The following ITM2B variants were observed in gnomAD, a reference collection of about 807,000 sequenced individuals.
ITM2B encodes the protein ABri/ADan amyloid peptide.
Under a neutral mutation model 27.8 loss-of-function variants are expected in ITM2B, and 11 were observed. The observed-to-expected ratio is 0.40, with a 90% CI of 0.25 to 0.66. ITM2B has a LOEUF of 0.66. Ranked by LOEUF, ITM2B falls within the 30% of genes least tolerant of loss-of-function variation. ITM2B has a pLI of 0.43. For missense variants in ITM2B, 296 were observed against 328.9 expected (o/e 0.90, Z 0.77); for synonymous variants, 114 against 114.3 (o/e 1.00, Z 0.02).
At chr13:48,260,117 T>G (rs1251322458) in intron 5 of ITM2B, among the ~76,000 whole-genome samples, 1 of 152,132 alleles carries the variant, frequency 6.6e-6, no homozygotes, top group Admixed American at 6.5e-5. Flanking sequence ...TCTGATCTTG[T>G]GATAGTTTGC....
intron 1 of ITM2B, among the ~76,000 whole-genome samples, chr13:48,252,438 G>C (rs917741623): frequency 6.6e-6 from 1 of 152,126 alleles, no homozygotes; most frequent in African/African-American, 2.4e-5. Context: ...GATTCTCTTA[G>C]GAGCGCAAAC....
In ITM2B at chr13:48,270,260, T is replaced by G. The variant is rs927138152; in HGVS notation, c.*9036T>G. ...CCTTCCTGGCCATGACCACACTACC[T>G]TATTTTTCTCTATAGTACTTATCAC... is the stretch of plus-strand genomic sequence containing the variant. On this transcript the variant is annotated 3_prime_UTR_variant, in exon 6 of 6. Transcript: ENST00000647800. 1 of 152,256 alleles carries G rather than the reference T, an allele frequency of 6.6e-6. No homozygotes were observed. The highest frequency in any genetic ancestry group is 2.4e-5 in the African/African-American group (1 of 41,460). 9.4% of individuals were successfully genotyped at this position (152,256 alleles called of 1,614,324 possible).
At chr13:48,237,031 G>T (rs1383225404) in intron 1 of ITM2B, among the ~76,000 whole-genome samples, 1 of 152,188 alleles carries the variant, frequency 6.6e-6, no homozygotes, top group Admixed American at 6.5e-5. Flanking sequence ...TTAGACCCTG[G>T]TTCTTTACCC....
intron 2 of ITM2B, 73 bp downstream of exon 2, chr13:48,254,009 G>A: frequency 2.1e-6 from 3 of 1,428,062 alleles, no homozygotes; most frequent in Non-Finnish European, 2.9e-6. Context: ...TTACAAAATT[G>A]TTTACAACTT....
Position 48,264,522 on chromosome 13 carries a change from C to T in ITM2B, c.*3298C>T, listed in dbSNP as rs1160310220. 1 of 152,160 alleles carries T rather than the reference C, an allele frequency of 6.6e-6. No individual in the cohort carries two copies. The highest frequency in any genetic ancestry group is 2.4e-5 in the African/African-American group (1 of 41,444). The allele number at this position is 152,160 out of a possible 1,614,324, so 9.4% of individuals were successfully genotyped here. ...TAATATGGGCAGAATCTCTAAGATT[C>T]TGCTAAGTGAACATTTAGTAGTTTA... On this transcript the variant is annotated 3_prime_UTR_variant, in exon 6 of 6. Coordinates refer to ENST00000647800, the MANE Select transcript of ITM2B (RefSeq NM_021999.5).
chr13:48,246,807 G>T (rs572169938), intron 1 of ITM2B, among the ~76,000 whole-genome samples: 1 of 152,176 alleles, frequency 6.6e-6, no homozygotes, highest in South Asian at 2.1e-4. Flanking sequence ...GAAAATACTA[G>T]AACATTGATG....
At chr13:48,258,366 TACTCATGG>T in intron 4 of ITM2B, 130 bp downstream of exon 4, 1 of 674,348 alleles carries the variant, frequency 1.5e-6, no homozygotes, top group Non-Finnish European at 2.7e-6. Context: ...GAGGAACTAA[TACTCATGG>T]TTTTTGTTTT....
chr13:48,254,386 T>A (rs765151598), intron 2 of ITM2B, among the ~76,000 whole-genome samples: 21 of 152,188 alleles, frequency 1.4e-4, no homozygotes, highest in Non-Finnish European at 2.8e-4. Context: ...TCTCTGCTTC[T>A]TTTCCAGTCA....
At chr13:48,237,157 A>G (rs1159177108) in intron 1 of ITM2B, among the ~76,000 whole-genome samples, 1 of 152,148 alleles carries the variant, frequency 6.6e-6, no homozygotes, top group Admixed American at 6.5e-5. Flanking sequence ...AGGGACATAA[A>G]ATGCATGGCT....
intron 1 of ITM2B, among the ~76,000 whole-genome samples, chr13:48,244,750 A>G (rs910209193): frequency 9.2e-5 from 14 of 152,214 alleles, no homozygotes; most frequent in Admixed American, 6.5e-5. Context: ...ACTGAATTTT[A>G]TAATGAATTA....
chr13:48,247,688 A>G (rs1951731893), intron 1 of ITM2B, among the ~76,000 whole-genome samples: 2 of 152,232 alleles, frequency 1.3e-5, no homozygotes, highest in African/African-American at 4.8e-5. Flanking sequence ...AGTACCAGAA[A>G]AGAATTTGTC....
In ITM2B at chr13:48,261,667, T is replaced by C. The variant is rs1311785858; in HGVS notation, c.*443T>C. ...TGCATTTGAGCACACATTTTAATTT[T>C]CCTCTAATTAAAATGTGCAGTATTT... is the stretch of plus-strand genomic sequence containing the variant. On this transcript the variant is annotated 3_prime_UTR_variant, in exon 6 of 6. Transcript: ENST00000647800. 3 of 153,578 alleles carry C rather than the reference T, an allele frequency of 2.0e-5. No individual in the cohort carries two copies. Among genetic ancestry groups the C allele is most frequent in the African/African-American group, 4.8e-5 (2 of 41,458 alleles). 9.5% of individuals were successfully genotyped at this position (153,578 alleles called of 1,614,324 possible).
At chr13:48,247,364 A>G (rs1253322710) in intron 1 of ITM2B, among the ~76,000 whole-genome samples, 1 of 151,994 alleles carries the variant, frequency 6.6e-6, no homozygotes, top group African/African-American at 2.4e-5. Context: ...ATATTTTTTG[A>G]TAATATAATT....
intron 1 of ITM2B, among the ~76,000 whole-genome samples, chr13:48,247,018 G>A (rs1041396027): frequency 1.3e-5 from 2 of 152,038 alleles, no homozygotes; most frequent in Non-Finnish European, 2.9e-5. Flanking sequence ...TATTAGAGAC[G>A]GGTTTCACCA....
At position 48,262,488 on chromosome 13, in the gene ITM2B, A is replaced by G. The variant is rs900855330; in HGVS notation, c.*1264A>G. ...AGTAATATTGTCAGAACTTTAAGTC[A>G]GTGAGTTGGGTATTCAGGAATTAAC... is the stretch of plus-strand genomic sequence containing the variant. On this transcript the variant is annotated 3_prime_UTR_variant, in exon 6 of 6. Coordinates refer to ENST00000647800, the MANE Select transcript of ITM2B (RefSeq NM_021999.5). 9.2e-5 allele frequency: 14 copies of G among 152,192 alleles called. No homozygotes were observed. The highest frequency in any genetic ancestry group is 3.4e-4 in the African/African-American group (14 of 41,460). 9.4% of individuals were successfully genotyped at this position (152,192 alleles called of 1,614,324 possible). A position where few individuals can be genotyped will look rare whatever the true frequency, so the allele number is the denominator to read the frequency against.
Position 48,253,790 on chromosome 13 carries a change from G to T in ITM2B, c.118-18G>T, listed in dbSNP as rs755306269. 7.4e-6 allele frequency: 12 copies of T among 1,612,080 alleles called. No individual in the cohort carries two copies. The highest frequency in any genetic ancestry group is 1.0e-5 in the Non-Finnish European group (12 of 1,178,330). On this transcript the variant is annotated intron_variant, in intron 1 of 5. Transcript: ENST00000647800. ...CTGTCTGGAGATAAGATATTTAACT[G>T]TCTTTTTCATATTTTAGGACCCAGA...
Position 48,233,400 on chromosome 13 carries a change from G to A in ITM2B, c.40G>A (p.Glu14Lys), listed in dbSNP as rs1450525397. 2.6e-6 allele frequency: 4 copies of A among 1,564,834 alleles called. No individual in the cohort carries two copies. Among genetic ancestry groups the A allele is most frequent in the South Asian group, 2.4e-5 (2 of 84,758 alleles). Residue 14 changes from glutamate to lysine, a missense_variant, in exon 1 of 6, where the codon GAG (glutamate) becomes AAG (lysine). Glu to Lys is a moderately conservative substitution (Grantham distance 56, BLOSUM62 1). Coordinates refer to ENST00000647800, the MANE Select transcript of ITM2B (RefSeq NM_021999.5). Reference sequence around the variant, plus strand: ...GTTCAACTCCGCTCTGGCCCAGAAGGAGGCCAAGAAGGACGAGCCCAAGAG... The same window carrying A: ...GTTCAACTCCGCTCTGGCCCAGAAGAAGGCCAAGAAGGACGAGCCCAAGAG... Reference protein sequence around the residue: ...VTFNSALAQKEAKKDEPKSGE... With the variant: ...VTFNSALAQKKAKKDEPKSGE...
At chr13:48,247,645 C>G (rs550342276) in intron 1 of ITM2B, among the ~76,000 whole-genome samples, 1 of 152,166 alleles carries the variant, frequency 6.6e-6, no homozygotes, top group Non-Finnish European at 1.5e-5. Context: ...TCTTAGGGAA[C>G]TGATTGAGGT....
chr13:48,236,934 GA>G (rs1217267728), intron 1 of ITM2B, among the ~76,000 whole-genome samples: 1 of 152,218 alleles, frequency 6.6e-6, no homozygotes, highest in Non-Finnish European at 1.5e-5. Context: ...ATATAGGAGA[GA>G]AAATAGTGGC....
Sources: allele counts gnomAD v4.1 joint callset (sites outside exome capture counted in the v4.1 genomes callset), GRCh38; gene constraint gnomAD v4.1.1; transcripts MANE v1.5; gene names NCBI Gene and HGNC (gene_info 2026-07-23, HGNC 2026-07-21).